The following GPAM variants were observed in gnomAD, a reference collection of about 807,000 sequenced individuals.
GPAM encodes glycerol-3-phosphate acyltransferase 1, mitochondrial.
In GPAM, 56 loss-of-function variants were observed where a neutral mutation model predicts 105.0. The ratio of observed to expected loss-of-function variants is 0.53; its 90% CI spans 0.43 to 0.67. GPAM has a LOEUF of 0.67. Ranked by LOEUF, GPAM falls within the 30% of genes least tolerant of loss-of-function variation. GPAM has a pLI of 0.00. For missense variants in GPAM, 855 were observed against 989.8 expected (o/e 0.86, Z 1.83); for synonymous variants, 368 against 354.4 (o/e 1.04, Z -0.43).
At chr10:112,196,016 G>A (rs1847719270) in intron 1 of GPAM, among the ~76,000 whole-genome samples, 1 of 152,076 alleles carries the variant, frequency 6.6e-6, no homozygotes, top group Non-Finnish European at 1.5e-5. Context: ...GAAAACTAGG[G>A]GCCCTGATCT....
Position 112,173,856 on chromosome 10 carries a change from A to T in GPAM, c.414-11T>A, listed in dbSNP as rs1203526092. On this transcript the variant is annotated splice_polypyrimidine_tract_variant and intron_variant, in intron 6 of 21. Transcript: ENST00000348367. Reference sequence around the variant, plus strand: ...ATTGCCTCTTGTACTCTGGTATGAAAATGGAAAAAGAGACAATGTAATTGT... The same window carrying T: ...ATTGCCTCTTGTACTCTGGTATGAATATGGAAAAAGAGACAATGTAATTGT... 6.2e-7 allele frequency: 1 copy of T among 1,605,848 alleles called. No homozygotes were observed. The highest frequency in any genetic ancestry group is 2.2e-5 in the East Asian group (1 of 44,848).
chr10:112,160,821 C>T lies in GPAM; in HGVS notation c.1542G>A (p.Glu514=), dbSNP rs763151199. The change falls in exon 16 of 22, where the codon GAG becomes GAA. Residue 514 remains glutamate, a synonymous_variant. Coordinates refer to ENST00000348367, the MANE Select transcript of GPAM (RefSeq NM_001244949.2). ...TLVEDFFVMK[E]EVLARDFDLG... ...GGTCAAAATCACGAGCCAGGACTTC[C>T]TCTTTCATCACAAAGAAGTCTTCGA... is the stretch of plus-strand genomic sequence containing the variant. The T allele has an allele frequency of 1.7e-5, 28 of 1,613,660 alleles. No individual in the cohort carries two copies. In the South Asian group the frequency reaches 2.4e-4, roughly 14 times the overall value.
exon 1 of GPAM, chr10:112,215,363 C>A (rs1334695256): frequency 2.0e-5 from 3 of 152,356 alleles, no homozygotes; most frequent in Admixed American, 6.5e-5. Flanking sequence ...AGTCCCCCCG[C>A]AGCAGCAAAT....
Position 112,158,407 on chromosome 10 carries a change from T to G in GPAM, c.1903-14A>C. On this transcript the variant is annotated splice_polypyrimidine_tract_variant and intron_variant, in intron 17 of 21. Transcript: ENST00000348367. ...TGTCTGGCAAGGCTGAAAAGAAAAT[T>G]CATTTAAATATAAATGCCACCATTT... 1 of 1,513,960 alleles carries G rather than the reference T, an allele frequency of 6.6e-7. No homozygotes were observed. The highest frequency in any genetic ancestry group is 9.2e-7 in the Non-Finnish European group (1 of 1,088,504). The allele number at this position is 1,513,960 out of a possible 1,614,324, so 93.8% of individuals were successfully genotyped here.
At chr10:112,213,248 A>G (rs1847932503) in intron 1 of GPAM, among the ~76,000 whole-genome samples, 2 of 152,032 alleles carry the variant, frequency 1.3e-5, no homozygotes, top group African/African-American at 4.8e-5. Flanking sequence ...AGATGTAAAG[A>G]AAAAAAAGCA....
At chr10:112,154,749 C>G in intron 20 of GPAM, 62 bp from the exon 21 acceptor site, 1 of 1,255,414 alleles carries the variant, frequency 8.0e-7, no homozygotes, top group Non-Finnish European at 1.2e-6. Flanking sequence ...ACAATCCCAG[C>G]AGCCACAGTA....
chr10:112,157,355 G>A lies in GPAM; in HGVS notation c.2015C>T (p.Ala672Val), dbSNP rs779031826. ...DDQEDISPSL[A>V]EQQWDKKLPE... ...AAGCTTCTTGTCCCACTGCTGCTCA[G>A]CAAGACTAGGACTGATATCTTCCTG... Residue 672 changes from alanine to valine, a missense_variant, in exon 19 of 22, where the codon GCT becomes GTT. Physicochemically the swap from Ala to Val is moderately conservative, Grantham distance 64 (BLOSUM62 0). Coordinates refer to ENST00000348367, the MANE Select transcript of GPAM (RefSeq NM_001244949.2). 2 of 1,613,634 alleles carry A rather than the reference G, an allele frequency of 1.2e-6. No individual in the cohort carries two copies. Among genetic ancestry groups the A allele is most frequent in the South Asian group, 1.1e-5 (1 of 91,082 alleles).
At chr10:112,226,408 C>T in the GPAM span, among the ~76,000 whole-genome samples, 1 of 152,036 alleles carries the variant, frequency 6.6e-6, no homozygotes, top group East Asian at 1.9e-4. Context: ...CCATTTCCCA[C>T]TGGAAATAGA....
chr10:112,153,603 G>A lies in GPAM; in HGVS notation c.2434C>T (p.Gln812Ter). The A allele has an allele frequency of 1.9e-6, 3 of 1,613,940 alleles. No individual in the cohort carries two copies. The highest frequency in any genetic ancestry group is 2.5e-6 in the Non-Finnish European group (3 of 1,179,868). ...TCTAGAAGTTTTTGTCGGTTGCATT[G>A]AGGTAGAAAAGTGCTGCTCAGTTCT... The part of the protein sequence containing the change: ...VLELSSTFLP[Q>*]CNRQKLLEYI... Residue 812 changes from glutamine (Q) to a stop codon, truncating the protein, a stop_gained, in exon 22 of 22, where the codon CAA becomes TAA. Coordinates refer to ENST00000348367, the MANE Select transcript of GPAM (RefSeq NM_001244949.2). LOFTEE classifies it high-confidence loss of function.
intron 1 of GPAM, among the ~76,000 whole-genome samples, chr10:112,204,551 C>G (rs1342839831): frequency 6.6e-6 from 1 of 150,602 alleles, no homozygotes; most frequent in Non-Finnish European, 1.5e-5. Context: ...TGTTGTTTTC[C>G]TATAAACTGG....
At chr10:112,207,455 G>A (rs1335018270) in intron 1 of GPAM, among the ~76,000 whole-genome samples, 2 of 152,180 alleles carry the variant, frequency 1.3e-5, no homozygotes, top group East Asian at 1.9e-4. Context: ...CACAGGTTCC[G>A]AAGGAACACA....
intron 1 of GPAM, among the ~76,000 whole-genome samples, chr10:112,200,945 C>T (rs1314126695): frequency 4.6e-5 from 7 of 152,212 alleles, no homozygotes; most frequent in Admixed American, 3.9e-4. Flanking sequence ...AAAAGAAATG[C>T]TAATTATGGG....
At chr10:112,220,550 A>G in the GPAM span, among the ~76,000 whole-genome samples, 1 of 152,136 alleles carries the variant, frequency 6.6e-6, no homozygotes, top group East Asian at 1.9e-4. Flanking sequence ...GAGTGGCTTT[A>G]GTTTTAATTT....
intron 9 of GPAM, among the ~76,000 whole-genome samples, chr10:112,170,083 A>G (rs886501811): frequency 2.6e-5 from 4 of 152,196 alleles, no homozygotes; most frequent in Non-Finnish European, 4.4e-5. Context: ...TAAAGTGCAC[A>G]ATAAATGTAA....
chr10:112,184,650 C>G (rs185476697), upstream of GPAM, among the ~76,000 whole-genome samples: 1 of 152,234 alleles, frequency 6.6e-6, no homozygotes, highest in Admixed American at 6.5e-5. Context: ...GACAGTGGTC[C>G]TTGAGGAGGG....
intron 11 of GPAM, 28 bp from the exon 12 acceptor site, chr10:112,166,543 G>A: frequency 7.8e-7 from 1 of 1,275,874 alleles, no homozygotes. Flanking sequence ...GAATAACATG[G>A]TGAGAAATAA....
chr10:112,159,086 C>A (rs111296817), intron 17 of GPAM, among the ~76,000 whole-genome samples: 3 of 152,208 alleles, frequency 2.0e-5, no homozygotes, highest in African/African-American at 7.2e-5. Context: ...AGAAGGAAAT[C>A]TACTACTTAA....
intron 15 of GPAM, 26 bp from the exon 16 acceptor site, chr10:112,160,894 T>C (rs3824626): frequency 0.59 from 945,738 of 1,601,918 alleles, 281,178 homozygotes; most frequent in South Asian, 0.62. Flanking sequence ...AACGGTATCA[T>C]GATGGTGGAA....
intron 1 of GPAM, among the ~76,000 whole-genome samples, chr10:112,213,052 C>T (rs960469424): frequency 2.0e-5 from 3 of 152,180 alleles, no homozygotes; most frequent in Non-Finnish European, 4.4e-5. Context: ...AGGGTCTGTG[C>T]TTGCTAATCA....
Sources: allele counts gnomAD v4.1 joint callset (sites outside exome capture counted in the v4.1 genomes callset), GRCh38; gene constraint gnomAD v4.1.1; transcripts MANE v1.5; gene names NCBI Gene and HGNC (gene_info 2026-07-23, HGNC 2026-07-21).